NDUFS4: variants seen among roughly 807,000 people sequenced by gnomAD.
NDUFS4 encodes the protein NADH dehydrogenase [ubiquinone] iron-sulfur protein 4, mitochondrial.
In NDUFS4, 28 loss-of-function variants were observed where a neutral mutation model predicts 24.3. The observed-to-expected ratio is 1.15, with a 90% CI of 0.85 to 1.58. NDUFS4 has a LOEUF of 1.58. Ranked by LOEUF, NDUFS4 falls within the 40% of genes most tolerant of loss-of-function variation. NDUFS4 has a pLI of 0.00. For synonymous variants in NDUFS4, 93 were observed against 69.7 expected, an observed-to-expected ratio of 1.34 and a Z score of -1.67; for missense variants, 223 against 207.9, an observed-to-expected ratio of 1.07 and a Z score of -0.45.
chr5:53,683,145 A>G lies in NDUFS4; in HGVS notation c.452A>G (p.Lys151Arg), dbSNP rs137947181. 1.2e-5 allele frequency: 19 copies of G among 1,610,074 alleles called. No homozygotes were observed. The African/African-American group carries it at 2.0e-4, about 17-fold the overall frequency. ...NGWSYDIEERKVPKPKSKSYG... is the reference protein window; with the variant it reads ...NGWSYDIEERRVPKPKSKSYG... The stretch of plus-strand genomic sequence containing the variant: ...TGGAGCTATGACATTGAAGAGAGGA[A>G]GGTTCCAAAACCCAAGTCCAAGTCT... Residue 151 changes from lysine to arginine, a missense_variant, in exon 5 of 5, where the codon AAG becomes AGG. Physicochemically the swap from Lys to Arg is conservative, Grantham distance 26. Transcript: ENST00000296684.
intron 2 of NDUFS4, among the ~76,000 whole-genome samples, chr5:53,609,257 C>G (rs1750622934): frequency 6.6e-6 from 1 of 152,084 alleles, no homozygotes; most frequent in African/African-American, 2.4e-5. Flanking sequence ...TAATAAGACT[C>G]AAAAGTCAAA....
At chr5:53,681,498 T>C (rs555917110) in intron 4 of NDUFS4, among the ~76,000 whole-genome samples, 1 of 152,250 alleles carries the variant, frequency 6.6e-6, no homozygotes, top group African/African-American at 2.4e-5. Flanking sequence ...TTATGCCCTT[T>C]AGTAAATTTT....
intron 1 of NDUFS4, among the ~76,000 whole-genome samples, chr5:53,590,392 A>G (rs999687453): frequency 1.3e-5 from 2 of 152,258 alleles, no homozygotes. Context: ...TAATGATGCT[A>G]TGCAAAGTCT....
intron 1 of NDUFS4, among the ~76,000 whole-genome samples, chr5:53,584,385 C>T (rs183696536): frequency 9.2e-5 from 14 of 151,948 alleles, no homozygotes; most frequent in East Asian, 3.9e-4. Context: ...GATGGAGTTT[C>T]GGCCTTATCA....
intron 2 of NDUFS4, among the ~76,000 whole-genome samples, chr5:53,635,054 G>T (rs1188079781): frequency 1.3e-5 from 2 of 151,788 alleles, no homozygotes; most frequent in African/African-American, 4.8e-5. Context: ...GCTAGGCGAG[G>T]TGGCAGGCAC....
intron 2 of NDUFS4, among the ~76,000 whole-genome samples, chr5:53,634,249 C>G (rs1324218900): frequency 6.6e-6 from 1 of 152,134 alleles, no homozygotes; most frequent in Non-Finnish European, 1.5e-5. Context: ...ATCATTGCCT[C>G]ATGAATATTT....
At chr5:53,666,974 T>G (rs577173279) in intron 4 of NDUFS4, among the ~76,000 whole-genome samples, 75 of 152,188 alleles carry the variant, frequency 4.9e-4, no homozygotes, top group African/African-American at 1.8e-3. Flanking sequence ...ACATATTTCT[T>G]TACTCAAGAA....
chr5:53,663,435 A>C (rs1752406929), intron 4 of NDUFS4, among the ~76,000 whole-genome samples: 1 of 152,126 alleles, frequency 6.6e-6, no homozygotes, highest in Admixed American at 6.5e-5. Context: ...GTGGGGTGTT[A>C]AAGTCTCCCA....
At chr5:53,613,662 GAAA>G (rs569224230) in intron 2 of NDUFS4, among the ~76,000 whole-genome samples, 1 of 121,084 alleles carries the variant, frequency 8.3e-6, no homozygotes, top group Non-Finnish European at 1.8e-5. Context: ...ACAAGCTATT[GAAA>G]AAAAAAAAAA....
chr5:53,670,598 T>C (rs1377588421), intron 4 of NDUFS4, among the ~76,000 whole-genome samples: 1 of 150,960 alleles, frequency 6.6e-6, no homozygotes, highest in African/African-American at 2.4e-5. Context: ...CACTGATATA[T>C]TTGGCAATAT....
intron 3 of NDUFS4, among the ~76,000 whole-genome samples, chr5:53,654,574 A>C (rs185390182): frequency 1.6e-3 from 247 of 152,276 alleles, no homozygotes; most frequent in African/African-American, 5.4e-3. Flanking sequence ...TATTTGCAGA[A>C]AGATGACCAC....
At chr5:53,667,334 A>G (rs1481749619) in intron 4 of NDUFS4, among the ~76,000 whole-genome samples, 6 of 152,070 alleles carry the variant, frequency 3.9e-5, no homozygotes, top group East Asian at 3.9e-4. Context: ...GCATGGTGGC[A>G]CATGCCTGTA....
chr5:53,590,002 C>G (rs1376066854), intron 1 of NDUFS4, among the ~76,000 whole-genome samples: 2 of 152,120 alleles, frequency 1.3e-5, no homozygotes, highest in Non-Finnish European at 2.9e-5. Context: ...AGTTGTGTCC[C>G]TCTAGAGAAC....
At chr5:53,574,472 T>G (rs541154344) in intron 1 of NDUFS4, among the ~76,000 whole-genome samples, 1 of 152,234 alleles carries the variant, frequency 6.6e-6, no homozygotes, top group African/African-American at 2.4e-5. Flanking sequence ...CCTAATACTT[T>G]GTTGAAGATT....
At chr5:53,601,003 A>ATTTTTT (rs3084744) in intron 1 of NDUFS4, among the ~76,000 whole-genome samples, 1 of 130,702 alleles carries the variant, frequency 7.7e-6, no homozygotes, top group African/African-American at 2.9e-5. Flanking sequence ...TTTATAATAA[A>ATTTTTT]TTTTTTTTTT....
intron 1 of NDUFS4, among the ~76,000 whole-genome samples, chr5:53,599,833 TAAC>T (rs1322981445): frequency 6.6e-6 from 1 of 152,082 alleles, no homozygotes; most frequent in Non-Finnish European, 1.5e-5. Context: ...CTTTTTTTCT[TAAC>T]AAGGTTTTTG....
At chr5:53,624,048 T>C (rs1231350333) in intron 2 of NDUFS4, among the ~76,000 whole-genome samples, 2 of 152,190 alleles carry the variant, frequency 1.3e-5, no homozygotes, top group Non-Finnish European at 1.5e-5. Flanking sequence ...CTGTTGTATA[T>C]GGTGTAAGAC....
At chr5:53,633,481 G>GT (rs917250452) in intron 2 of NDUFS4, among the ~76,000 whole-genome samples, 2 of 152,110 alleles carry the variant, frequency 1.3e-5, no homozygotes, top group African/African-American at 4.8e-5. Flanking sequence ...GCCTTGCTAA[G>GT]TTTCTGCAGT....
intron 1 of NDUFS4, among the ~76,000 whole-genome samples, chr5:53,597,760 C>A (rs569626898): frequency 3.9e-5 from 6 of 152,108 alleles, no homozygotes; most frequent in Non-Finnish European, 4.4e-5. Context: ...AGTTAGGCTT[C>A]ATTAAGATTA....
Sources: gnomAD v4.1 joint callset for allele counts (sites outside exome capture counted in the v4.1 genomes callset) on GRCh38, gnomAD v4.1.1 for gene constraint, MANE v1.5 for transcripts, NCBI Gene and HGNC (gene_info 2026-07-23, HGNC 2026-07-21) for gene names.